Variants in CUL9 observed in about 807,000 individuals in gnomAD.
The protein encoded by CUL9 is cullin 9, also known as cullin-9.
Under a neutral mutation model 272.6 loss-of-function variants are expected in CUL9, and 79 were observed. The ratio of observed to expected loss-of-function variants is 0.29; its 90% confidence interval spans 0.24 to 0.35. The LOEUF is 0.35. CUL9 is among the 10% of genes least tolerant of loss of function. The pLI is 1.00. For missense variants in CUL9, 2,532 were observed against 3,255.6 expected, an observed-to-expected ratio of 0.78 and a Z score of 5.41; for synonymous variants, 1,186 against 1,286.5, an observed-to-expected ratio of 0.92 and a Z score of 1.67.
intron 2 of CUL9, 123 bp from the exon 3 acceptor site, chr6:43,185,333 T>G: frequency 1.1e-6 from 1 of 944,752 alleles, no homozygotes; most frequent in Non-Finnish European, 1.6e-6. Context: ...GTAAAATGTA[T>G]TTCTTTCTGT....
In CUL9 at chr6:43,213,165, C is replaced by T. The variant is rs143018093; in HGVS notation, c.5229C>T (p.Val1743=). 3 of 1,614,150 alleles carry T rather than the reference C, an allele frequency of 1.9e-6. No homozygotes were observed. Among genetic ancestry groups the T allele is most frequent in the Non-Finnish European group, 2.5e-6 (3 of 1,180,004 alleles). The change falls in exon 27 of 41, where the codon GTC becomes GTT. Residue 1743 remains valine (V), a synonymous_variant. Transcript: ENST00000252050. This position sits in a 1 kb window ranked among gnomAD's most constrained non-coding sequence, Gnocchi z 5.7. ...SFYSQSQNHP[V]LDMGPHRRLQ... ...CTTGCCTAGGTCAGAACCATCCAGT[C>T]CTGGACATGGGACCACATCGGCGAC...
At chr6:43,222,461 G>GC in intron 36 of CUL9, 70 bp from the exon 37 acceptor site, 2 of 1,343,744 alleles carry the variant, frequency 1.5e-6, no homozygotes, top group Non-Finnish European at 2.1e-6. Context: ...AGGGGGGTGG[G>GC]CTGAAGGTCT....
chr6:43,209,417 G>A (rs1177027208), intron 26 of CUL9, among the ~76,000 whole-genome samples: 1 of 152,090 alleles, frequency 6.6e-6, no homozygotes, highest in African/African-American at 2.4e-5. Context: ...CTGAAGTGCT[G>A]GGATTACAGG....
chr6:43,193,217 A>C lies in CUL9; in HGVS notation c.2388+9A>C. ...AGCAGGCTGGGCTGGCGGTGAGTAC[A>C]TTGGGCCTGGCGGGAGAGAACAATG... On this transcript the variant is annotated intron_variant, in intron 9 of 40. Coordinates refer to ENST00000252050, the MANE Select transcript of CUL9 (RefSeq NM_015089.4). 2 of 1,612,998 alleles carry C rather than the reference A, an allele frequency of 1.2e-6. No homozygotes were observed. Among genetic ancestry groups the C allele is most frequent in the Admixed American group, 3.3e-5 (2 of 60,014 alleles).
In CUL9 at chr6:43,188,058, A is replaced by C. The variant is rs1303235788; in HGVS notation, c.1927A>C (p.Asn643His). The change falls in exon 7 of 41, where the codon AAC (asparagine) becomes CAC (histidine). Residue 643 changes from asparagine to histidine, a missense_variant. Physicochemically the swap from Asn to His is moderately conservative, Grantham distance 68. This residue lies in a region of CUL9 where 2,218 missense variants were observed against 2,788.6 expected (regional missense o/e 0.80). Coordinates refer to ENST00000252050, the MANE Select transcript of CUL9 (RefSeq NM_015089.4). ...GGCACAGAGTGATTCTCAGCTGTTT[A>C]ACCAGCTTCTGGTGACTGAGGGGAT... ...PMAQSDSQLFNQLLVTEGMTL... is the reference protein window; with the variant it reads ...PMAQSDSQLFHQLLVTEGMTL... 1 of 1,613,780 alleles carries C rather than the reference A, an allele frequency of 6.2e-7. No homozygotes were observed. Among genetic ancestry groups the C allele is most frequent in the South Asian group, 1.1e-5 (1 of 91,064 alleles).
At position 43,191,481 on chromosome 6, in the gene CUL9, A is replaced by ATTTT. The variant is rs34090146; in HGVS notation, c.2181-1499_2181-1496dup. Among the ~76,000 whole-genome samples, 78 of 97,440 alleles carry ATTTT rather than the reference A, an allele frequency of 8.0e-4. 1 individual carries two copies. The highest frequency in any genetic ancestry group is 2.9e-3 in the East Asian group (12 of 4,190). 63.9% of individuals were successfully genotyped at this position (97,440 alleles called of 152,430 possible). A position where few individuals can be genotyped will look rare whatever the true frequency, so the allele number is the denominator to read the frequency against. On this transcript the variant is annotated intron_variant, in intron 8 of 40. Coordinates refer to ENST00000252050, the MANE Select transcript of CUL9 (RefSeq NM_015089.4). ...AGGAATGAGCCACCACACCCAGCTA[A>ATTTT]TTTTTTTTTTTTTTTTTTTTTTTTA...
Position 43,199,984 on chromosome 6 carries a change from A to G in CUL9, c.3212A>G (p.Tyr1071Cys). Residue 1071 changes from tyrosine to cysteine, a missense_variant, in exon 14 of 41, where the codon TAT becomes TGT. Transcript: ENST00000252050. This position sits in a 1 kb window ranked among gnomAD's most constrained non-coding sequence, Gnocchi z 4.4. ...LHRLASMHKD[Y>C]AVVLCCLGAK... ...CGCCTGGCCTCGATGCATAAGGACT[A>G]TGCTGTGGTGCTCTGCTGCCTGGGA... 6.2e-7 allele frequency: 1 copy of G among 1,614,214 alleles called. No homozygotes were observed. Among genetic ancestry groups the G allele is most frequent in the Non-Finnish European group, 8.5e-7 (1 of 1,180,034 alleles).
chr6:43,206,591 A>G lies in CUL9; in HGVS notation c.5212+81A>G. 1 of 1,329,984 alleles carries G rather than the reference A, an allele frequency of 7.5e-7. No homozygotes were observed. Among genetic ancestry groups the G allele is most frequent in the Non-Finnish European group, 1.1e-6 (1 of 937,872 alleles). The allele number at this position is 1,329,984 out of a possible 1,614,324, so 82.4% of individuals were successfully genotyped here. A position where few individuals can be genotyped will look rare whatever the true frequency, so the allele number is the denominator to read the frequency against. ...GAGGAAGAGGAGAGGACCTTTGGAC[A>G]GGATATAGATGTGAAGAAAAATATC... is the stretch of plus-strand genomic sequence containing the variant. On this transcript the variant is annotated intron_variant, in intron 26 of 40. Coordinates refer to ENST00000252050, the MANE Select transcript of CUL9 (RefSeq NM_015089.4). The surrounding 1 kb of genome is among the most constrained non-coding windows in gnomAD (Gnocchi z 4.8).
rs148664624 is a variant in CUL9 at position 43,200,508 on chromosome 6, C to A, written c.3457C>A (p.Leu1153Ile). 6.6e-4 allele frequency: 1,064 copies of A among 1,614,060 alleles called. No homozygotes were observed. The highest frequency in any genetic ancestry group is 8.0e-4 in the Non-Finnish European group (945 of 1,180,042). Residue 1153 changes from leucine (L) to isoleucine (I), a missense_variant, in exon 15 of 41, where the codon CTC becomes ATC. Physicochemically the swap from Leu to Ile is conservative, Grantham distance 5. Coordinates refer to ENST00000252050, the MANE Select transcript of CUL9 (RefSeq NM_015089.4). This position sits in a 1 kb window ranked among gnomAD's most constrained non-coding sequence, Gnocchi z 4.0. ...CAATATCCCCTTCTTTGATGTGTTC[C>A]TCAGGCATCTCTGCCAGGGTTAGTG... is the stretch of plus-strand genomic sequence containing the variant. ...PINIPFFDVF[L>I]RHLCQGSSVE...
intron 35 of CUL9, chr6:43,222,016 G>C (rs1443038883): frequency 1.7e-6 from 1 of 594,826 alleles, no homozygotes; most frequent in East Asian, 2.8e-5. Flanking sequence ...GAAAGGCTGG[G>C]GAGGGCTGGG....
At chr6:43,196,286 A>G in intron 10 of CUL9, 21 bp downstream of exon 10, 2 of 1,601,130 alleles carry the variant, frequency 1.2e-6, no homozygotes, top group Non-Finnish European at 1.7e-6. Context: ...TACCTTCCCA[A>G]CTCCAGGCTC....
At chr6:43,219,949 G>A (rs574384669) in intron 31 of CUL9, among the ~76,000 whole-genome samples, 1 of 152,248 alleles carries the variant, frequency 6.6e-6, no homozygotes, top group African/African-American at 2.4e-5. Context: ...GGGTTTGGGG[G>A]ACGCAATGGG....
At position 43,202,798 on chromosome 6, in the gene CUL9, T is replaced by G; in HGVS notation, c.3730T>G (p.Cys1244Gly). ...GGTGTTTGGGGGTGACAGCACCAGCTGCATCGGCACTGAGCTCAACACGGT... is the reference window on the plus strand; with the variant it reads ...GGTGTTTGGGGGTGACAGCACCAGCGGCATCGGCACTGAGCTCAACACGGT... ...VVVFGGDSTS[C>G]IGTELNTVNV... is the part of the protein sequence containing the mutation. Residue 1244 changes from cysteine (C) to glycine (G), a missense_variant, in exon 17 of 41, where the codon TGC becomes GGC. Physicochemically the swap from Cys to Gly is radical, Grantham distance 159 (BLOSUM62 -3). Coordinates refer to ENST00000252050, the MANE Select transcript of CUL9 (RefSeq NM_015089.4). 1 of 1,614,108 alleles carries G rather than the reference T, an allele frequency of 6.2e-7. No individual in the cohort carries two copies. Among genetic ancestry groups the G allele is most frequent in the South Asian group, 1.1e-5 (1 of 91,078 alleles).
At chr6:43,198,310 T>C (rs1774193350) in intron 11 of CUL9, 1 of 979,486 alleles carries the variant, frequency 1.0e-6, no homozygotes, top group Non-Finnish European at 1.2e-6. Context: ...AGTACAGGGA[T>C]ATAATCATCA....
rs79064744 is a variant in CUL9, at chr6:43,188,709, C to G, written c.2174C>G (p.Ser725Trp). 1 of 1,607,768 alleles carries G rather than the reference C, an allele frequency of 6.2e-7. No homozygotes were observed. The highest frequency in any genetic ancestry group is 8.5e-7 in the Non-Finnish European group (1 of 1,177,450). ...CACCCTCTGGTCCGTCCTGACAGAT[C>G]GCTGAGGTTAGCATACTGGGGAGGG... ...RDHPLVRPDR[S>W]LREKLVKMLV... The change falls in exon 8 of 41, where the codon TCG becomes TGG. Residue 725 changes from serine (S) to tryptophan (W), a missense_variant. Transcript: ENST00000252050.
intron 30 of CUL9, 36 bp from the exon 31 acceptor site, chr6:43,216,122 A>C: frequency 6.4e-7 from 1 of 1,570,540 alleles, no homozygotes; most frequent in East Asian, 2.3e-5. Flanking sequence ...ATAGCAGGGC[A>C]GGAATACTGA....
At chr6:43,202,353 G>A (rs1442052279) in intron 16 of CUL9, among the ~76,000 whole-genome samples, 2 of 152,142 alleles carry the variant, frequency 1.3e-5, no homozygotes, top group African/African-American at 4.8e-5. Context: ...TGTATTTGGA[G>A]TCCTCTGTGT....
chr6:43,218,977 G>A lies in CUL9; in HGVS notation c.6283-1482G>A, dbSNP rs1776134158. Among the ~76,000 whole-genome samples the A allele has an allele frequency of 6.6e-6, 1 of 152,074 alleles. No individual in the cohort carries two copies. The highest frequency in any genetic ancestry group is 2.4e-5 in the African/African-American group (1 of 41,406). ...AAGATACAGAGACGGGGGGTCTCAG[G>A]AGTTTGAGACCAGCCTAGACAACAC... On this transcript the variant is annotated intron_variant, in intron 31 of 40. Transcript: ENST00000252050. This position sits in a 1 kb window ranked among gnomAD's most constrained non-coding sequence, Gnocchi z 4.4.
chr6:43,213,865 A>G lies in CUL9; in HGVS notation c.5641A>G (p.Lys1881Glu). 2.5e-6 allele frequency: 4 copies of G among 1,614,168 alleles called. No individual in the cohort carries two copies. The highest frequency in any genetic ancestry group is 3.4e-6 in the Non-Finnish European group (4 of 1,180,026). ...LLSCLLVRIL[K>E]AHGEKGLHID... ...GAGCTGTCTTCTTGTTCGTATTCTC[A>G]AAGCCCATGGGGAAAAGGGCCTCCA... The change falls in exon 29 of 41, where the codon AAA becomes GAA. Residue 1881 changes from lysine to glutamate, a missense_variant. Lys to Glu is a moderately conservative substitution (Grantham distance 56). This residue lies in a region of CUL9 where 2,218 missense variants were observed against 2,788.6 expected (regional missense o/e 0.80). Coordinates refer to ENST00000252050, the MANE Select transcript of CUL9 (RefSeq NM_015089.4). The surrounding 1 kb of genome is among the most constrained non-coding windows in gnomAD (Gnocchi z 5.7).
Sources: gnomAD v4.1 joint callset for allele counts (sites outside exome capture counted in the v4.1 genomes callset) on GRCh38, gnomAD v4.1.1 for gene constraint, gnomAD v4.1.1 regional missense constraint, Gnocchi (gnomAD v3.1) non-coding constraint, MANE v1.5 for transcripts, NCBI Gene and HGNC (gene_info 2026-07-23, HGNC 2026-07-21) for gene names.